The following SNX29 variants were observed in gnomAD, a reference collection of about 807,000 sequenced individuals.
SNX29 encodes sorting nexin-29.
Under a neutral mutation model 102.1 loss-of-function variants are expected in SNX29, and 78 were observed. The ratio of observed to expected loss-of-function variants is 0.76; its 90% CI spans 0.64 to 0.92. The LOEUF is 0.92. SNX29 is among the 40% of genes least tolerant of loss of function. The pLI is 0.00. For missense variants in SNX29, 1,280 were observed against 1,061.7 expected (o/e 1.21, Z -2.86); for synonymous variants, 580 against 414.5 (o/e 1.40, Z -4.85).
chr16:12,258,573 A>G (rs943655596), intron 14 of SNX29, among the ~76,000 whole-genome samples: 1 of 152,138 alleles, frequency 6.6e-6, no homozygotes, highest in South Asian at 2.1e-4. Flanking sequence ...GTAAGTGCTC[A>G]GCAGAACTGT....
At chr16:12,271,303 T>G (rs956173755) in intron 14 of SNX29, among the ~76,000 whole-genome samples, 1 of 152,232 alleles carries the variant, frequency 6.6e-6, no homozygotes, top group African/African-American at 2.4e-5. Flanking sequence ...GAGTGTGCAC[T>G]GCCCTCATGT....
intron 18 of SNX29, among the ~76,000 whole-genome samples, chr16:12,406,824 G>A (rs898353432): frequency 2.0e-5 from 3 of 152,128 alleles, no homozygotes; most frequent in African/African-American, 7.2e-5. Flanking sequence ...CAGGACAATC[G>A]CTTGAACCTG....
intron 3 of SNX29, among the ~76,000 whole-genome samples, chr16:12,025,094 G>C (rs994736674): frequency 6.6e-6 from 1 of 152,036 alleles, no homozygotes; most frequent in Non-Finnish European, 1.5e-5. Flanking sequence ...CTGAGTTCAG[G>C]AGTTGGAGAC....
rs369817545 is a variant in SNX29 at position 12,134,851 on chromosome 16, A to G, written c.1595+5093A>G. ...CCAGAGAAACAGACCAATAGGATGT[A>G]TGTATATCTCTAGAAAGGGGTTTAT... On this transcript the variant is annotated intron_variant, in intron 13 of 20. Coordinates refer to ENST00000566228, the MANE Select transcript of SNX29 (RefSeq NM_032167.5). Among the ~76,000 whole-genome samples the G allele has an allele frequency of 9.2e-5, 14 of 152,364 alleles. No homozygotes were observed. The South Asian group carries it at 2.3e-3, about 25-fold the overall frequency.
chr16:12,069,052 C>T lies in SNX29; in HGVS notation c.1244-5C>T. The T allele has an allele frequency of 1.2e-6, 2 of 1,613,778 alleles. No individual in the cohort carries two copies. The highest frequency in any genetic ancestry group is 1.7e-6 in the Non-Finnish European group (2 of 1,179,758). ...CCTCTTTCTGTGATTGCTCTCTCTG[C>T]ACAGATGCCCCCCTCGGAAGCCTGG... On this transcript the variant is annotated splice_polypyrimidine_tract_variant and splice_region_variant and intron_variant, in intron 9 of 20. Coordinates refer to ENST00000566228, the MANE Select transcript of SNX29 (RefSeq NM_032167.5).
chr16:11,980,983 T>A (rs2150959159), intron 1 of SNX29, among the ~76,000 whole-genome samples: 1 of 151,906 alleles, frequency 6.6e-6, no homozygotes, highest in Non-Finnish European at 1.5e-5. Flanking sequence ...TTTTTTGAGT[T>A]GGAGTCTTGC....
At chr16:12,170,072 C>T (rs2076110033) in intron 13 of SNX29, among the ~76,000 whole-genome samples, 1 of 152,092 alleles carries the variant, frequency 6.6e-6, no homozygotes, top group Non-Finnish European at 1.5e-5. Context: ...TGGGGGCTGT[C>T]CTGTGCACCT....
chr16:12,442,591 T>G (rs376718170), intron 18 of SNX29, among the ~76,000 whole-genome samples: 2 of 148,748 alleles, frequency 1.3e-5, no homozygotes, highest in South Asian at 2.1e-4. Flanking sequence ...GTTTTTTTGT[T>G]TTTTTTTTTT....
intron 1 of SNX29, among the ~76,000 whole-genome samples, chr16:11,996,776 A>G (rs749280743): frequency 2.0e-5 from 3 of 152,196 alleles, no homozygotes; most frequent in Non-Finnish European, 4.4e-5. Context: ...CGTTTGATTG[A>G]TAGACACAGG....
chr16:12,069,490 A>C (rs1432901589), intron 10 of SNX29, among the ~76,000 whole-genome samples: 2 of 151,884 alleles, frequency 1.3e-5, no homozygotes, highest in African/African-American at 4.8e-5. Context: ...CTGGTCTCCA[A>C]CTCCTGACCT....
intron 18 of SNX29, among the ~76,000 whole-genome samples, chr16:12,463,907 A>G (rs1597470627): frequency 6.6e-6 from 1 of 151,086 alleles, no homozygotes; most frequent in African/African-American, 2.4e-5. Context: ...AAACAGTACC[A>G]TGGTATTGTT....
At position 11,999,355 on chromosome 16, in the gene SNX29, A is replaced by G. The variant is rs554283188; in HGVS notation, c.66A>G (p.Lys22=). ...FLLERLLDAV[K]QCQIRFGGRK... is the part of the protein sequence containing the mutation. ...TGGAGCGACTGCTGGATGCAGTGAA[A>G]CAGGTAAGCAGAAAGCACACATTTG... The change falls in exon 2 of 21, where the codon AAA becomes AAG. Residue 22 remains lysine, a synonymous_variant. Coordinates refer to ENST00000566228, the MANE Select transcript of SNX29 (RefSeq NM_032167.5). The G allele has an allele frequency of 6.2e-7, 1 of 1,614,112 alleles. No individual in the cohort carries two copies. Among genetic ancestry groups the G allele is most frequent in the African/African-American group, 1.3e-5 (1 of 75,074 alleles).
intron 10 of SNX29, among the ~76,000 whole-genome samples, chr16:12,074,410 A>C (rs1355060451): frequency 6.6e-6 from 1 of 151,760 alleles, no homozygotes; most frequent in Non-Finnish European, 1.5e-5. Flanking sequence ...AAAGTATTTT[A>C]TTTCTCCTTC....
At chr16:12,014,606 C>A (rs990754913) in intron 3 of SNX29, among the ~76,000 whole-genome samples, 1 of 151,740 alleles carries the variant, frequency 6.6e-6, no homozygotes, top group Non-Finnish European at 1.5e-5. Flanking sequence ...GTGGTGCATG[C>A]CTGTAATCCT....
intron 20 of SNX29, chr16:12,546,139 C>T (rs563341941): frequency 6.6e-6 from 1 of 152,192 alleles, no homozygotes; most frequent in Non-Finnish European, 1.5e-5. Flanking sequence ...CAAAACAGAG[C>T]TAATAACCTC....
At chr16:12,484,312 C>G (rs2151842010) in intron 19 of SNX29, among the ~76,000 whole-genome samples, 1 of 152,310 alleles carries the variant, frequency 6.6e-6, no homozygotes, top group East Asian at 1.9e-4. Flanking sequence ...CTGCCCCTGG[C>G]TCCTGTTTAG....
chr16:12,516,195 C>G (rs533734372), intron 19 of SNX29, among the ~76,000 whole-genome samples: 2 of 152,086 alleles, frequency 1.3e-5, no homozygotes, highest in African/African-American at 4.8e-5. Context: ...AGAATGGGTA[C>G]GAGACCAGGC....
At chr16:12,405,340 G>A (rs536958349) in intron 18 of SNX29, among the ~76,000 whole-genome samples, 5 of 152,132 alleles carry the variant, frequency 3.3e-5, no homozygotes, top group African/African-American at 1.2e-4. Context: ...CAAATATGCC[G>A]TTGCCTGGGA....
At chr16:12,338,785 T>TCCCCAC (rs2081528184) in intron 15 of SNX29, among the ~76,000 whole-genome samples, 1 of 145,536 alleles carries the variant, frequency 6.9e-6, no homozygotes, top group South Asian at 2.5e-4. Context: ...CCCTACCCCA[T>TCCCCAC]CCCCACCCCC....
Sources: allele counts gnomAD v4.1 joint callset (sites outside exome capture counted in the v4.1 genomes callset), GRCh38; gene constraint gnomAD v4.1.1; transcripts MANE v1.5; gene names NCBI Gene and HGNC (gene_info 2026-07-23, HGNC 2026-07-21).